Variants in ENO4 observed in about 807,000 individuals in gnomAD.
The protein encoded by ENO4 is enolase 4.
ENO4 carries 53 observed loss-of-function variants against 63.2 expected under a neutral mutation model. That is an observed-to-expected ratio of 0.84 (90% confidence interval 0.67 to 1.05). The LOEUF (loss-of-function observed/expected upper bound fraction) is 1.05, where lower values mean the gene tolerates loss of function less well. Ranked by LOEUF, ENO4 falls within the 50% of genes least tolerant of loss-of-function variation. The pLI is 0.00. For missense variants in ENO4, 719 were observed against 772.0 expected, an observed-to-expected ratio of 0.93 and a Z score of 0.81; for synonymous variants, 266 against 283.8, an observed-to-expected ratio of 0.94 and a Z score of 0.63.
chr10:116,898,758 C>CA (rs1847611631), intron 10 of ENO4, among the ~76,000 whole-genome samples: 1 of 151,736 alleles, frequency 6.6e-6, no homozygotes, highest in Admixed American at 6.6e-5. Flanking sequence ...AACAAACAAA[C>CA]AAACAAAAAA....
rs564042506 is a variant in ENO4 at position 116,856,660 on chromosome 10, G to A, written c.463G>A (p.Ala155Thr). 133 of 1,532,322 alleles carry A rather than the reference G, an allele frequency of 8.7e-5. No homozygotes were observed. The East Asian group carries it at 2.9e-3, about 34-fold the overall frequency. The allele number at this position is 1,532,322 out of a possible 1,614,324, so 94.9% of individuals were successfully genotyped here. ...CCAGGGGATGGCACCCTCTGACCAG[G>A]CAGAGGTGGATCACCTACTCAGGTA... The part of the protein sequence containing the change: ...ELQGMAPSDQ[A>T]EVDHLLRIFF... The change falls in exon 3 of 14, where the codon GCA becomes ACA. Residue 155 changes from alanine (A) to threonine (T), a missense_variant. Physicochemically the swap from Ala to Thr is moderately conservative, Grantham distance 58. Coordinates refer to ENST00000341276, the MANE Select transcript of ENO4 (RefSeq NM_001242699.2).
At chr10:116,851,266 T>C (rs1026235032) in intron 1 of ENO4, among the ~76,000 whole-genome samples, 3 of 152,218 alleles carry the variant, frequency 2.0e-5, no homozygotes, top group Non-Finnish European at 4.4e-5. Context: ...TAGATGACTG[T>C]GTGCTAGATT....
chr10:116,854,178 T>C (rs893970763), intron 1 of ENO4, among the ~76,000 whole-genome samples: 1 of 152,050 alleles, frequency 6.6e-6, no homozygotes, highest in African/African-American at 2.4e-5. Context: ...CTTGAACACA[T>C]AGGACTATGA....
chr10:116,876,037 A>G (rs775265647), intron 10 of ENO4, 28 bp from the exon 11 acceptor site: 2 of 1,460,298 alleles, frequency 1.4e-6, no homozygotes, highest in Non-Finnish European at 1.8e-6. Flanking sequence ...AATGCATTAT[A>G]ATGATCAACT....
intron 9 of ENO4, chr10:116,873,774 C>G (rs1297731692): frequency 8.9e-6 from 6 of 670,860 alleles, no homozygotes; most frequent in Non-Finnish European, 1.1e-5. Flanking sequence ...CGCAGGCAGC[C>G]AAGTCTAACA....
intron 10 of ENO4, among the ~76,000 whole-genome samples, chr10:116,904,656 G>C (rs549870057): frequency 1.1e-4 from 16 of 152,132 alleles, no homozygotes; most frequent in African/African-American, 3.6e-4. Context: ...TACATTAAGT[G>C]AAAAATTCCC....
intron 10 of ENO4, among the ~76,000 whole-genome samples, chr10:116,898,324 TAA>T (rs76622436): frequency 5.8e-5 from 8 of 138,622 alleles, no homozygotes; most frequent in Non-Finnish European, 7.9e-5. Flanking sequence ...AGACTACATC[TAA>T]AAAAAAAAAA....
At chr10:116,890,148 T>C (rs1847291708) in intron 10 of ENO4, among the ~76,000 whole-genome samples, 1 of 83,590 alleles carries the variant, frequency 1.2e-5, no homozygotes, top group South Asian at 5.5e-4. Flanking sequence ...AATTGTAATA[T>C]ACTGTCATTC....
chr10:116,888,431 G>A (rs936038326), intron 10 of ENO4, among the ~76,000 whole-genome samples: 7 of 152,176 alleles, frequency 4.6e-5, no homozygotes, highest in African/African-American at 1.7e-4. Context: ...TAGTCATGCC[G>A]TCTGTGTAAA....
chr10:116,856,543 C>T lies in ENO4; in HGVS notation c.346C>T (p.Leu116=), dbSNP rs1414618399. ...TCATTTTGAAGTCCATGAGAATGCTCTGCCCGAGCTGGCCAAGGCGGAGGA... is the reference window on the plus strand; with the variant it reads ...TCATTTTGAAGTCCATGAGAATGCTTTGCCCGAGCTGGCCAAGGCGGAGGA... ...STHFEVHENA[L]PELAKAEEAE... is the part of the protein sequence containing the mutation. Residue 116 remains leucine (L), a synonymous_variant, in exon 3 of 14, where the codon CTG becomes TTG. Transcript: ENST00000341276. The T allele has an allele frequency of 2.0e-6, 3 of 1,536,136 alleles. No individual in the cohort carries two copies. The highest frequency in any genetic ancestry group is 2.6e-6 in the Non-Finnish European group (3 of 1,146,922).
intron 10 of ENO4, among the ~76,000 whole-genome samples, chr10:116,898,475 G>A (rs1847601401): frequency 6.6e-6 from 1 of 152,074 alleles, no homozygotes; most frequent in Non-Finnish European, 1.5e-5. Flanking sequence ...CAAAAAAGAG[G>A]TTTGCACTTA....
At position 116,897,902 on chromosome 10, in the gene ENO4, T is replaced by C. The variant is rs568624873; in HGVS notation, c.1195-13597T>C. 2.9e-3 allele frequency among the ~76,000 whole-genome samples: 446 copies of C among 152,260 alleles called. 2 individuals are homozygous for C. The highest frequency in any genetic ancestry group is 0.01 in the African/African-American group (432 of 41,542). ...ATAAATCACATTGTTTCCTTGTTAC[T>C]CCCCCTCCCGTCTACAGGCTTTTAT... On this transcript the variant is annotated intron_variant, in intron 10 of 10. Transcript: ENST00000369207.
At chr10:116,899,886 T>C (rs1478729312) in intron 10 of ENO4, among the ~76,000 whole-genome samples, 1 of 152,194 alleles carries the variant, frequency 6.6e-6, no homozygotes, top group Non-Finnish European at 1.5e-5. Flanking sequence ...ATAACCCTTC[T>C]CATTCCTGGA....
In ENO4 at chr10:116,861,156, T is replaced by C; in HGVS notation, c.902T>C (p.Ile301Thr). Residue 301 changes from isoleucine to threonine, a missense_variant, in exon 6 of 14, where the codon ATT (isoleucine) becomes ACT (threonine). Coordinates refer to ENST00000341276, the MANE Select transcript of ENO4 (RefSeq NM_001242699.2). ...SGKLNLMKEV[I>T]CIPHPELTTK... ...AAGCTAAATTTAATGAAAGAAGTGA[T>C]TTGTATACCCCATCCTGAATTAACA... 3 of 1,544,058 alleles carry C rather than the reference T, an allele frequency of 1.9e-6. No homozygotes were observed. The highest frequency in any genetic ancestry group is 2.6e-6 in the Non-Finnish European group (3 of 1,142,358).
rs1846446865 is a variant in ENO4, at chr10:116,862,672, G to C, written c.937-127G>C. 6.2e-6 allele frequency: 4 copies of C among 643,718 alleles called. No individual in the cohort carries two copies. In the South Asian group the frequency reaches 7.7e-5, roughly 12 times the overall value. The allele number at this position is 643,718 out of a possible 1,614,324, so 39.9% of individuals were successfully genotyped here. On this transcript the variant is annotated intron_variant, in intron 6 of 13. Transcript: ENST00000341276. ...TAACATTTAATCTACTGATTTTGTA[G>C]AGCATATCATCTGCTAATCAGGGAC...
intron 10 of ENO4, among the ~76,000 whole-genome samples, chr10:116,894,313 T>C (rs565199179): frequency 6.6e-6 from 1 of 152,318 alleles, no homozygotes; most frequent in African/African-American, 2.4e-5. Flanking sequence ...GAACATTTTC[T>C]ATTGAAATTG....
chr10:116,867,889 A>G (rs1225222698), intron 7 of ENO4, among the ~76,000 whole-genome samples: 2 of 152,170 alleles, frequency 1.3e-5, no homozygotes. Flanking sequence ...TTGTCCCCCG[A>G]TCACATCACA....
intron 2 of ENO4, 80 bp from the exon 3 acceptor site, chr10:116,856,412 A>G (rs897906418): frequency 1.8e-6 from 2 of 1,139,290 alleles, no homozygotes; most frequent in Non-Finnish European, 2.5e-6. Flanking sequence ...AATTTCATGC[A>G]TGTTAAAAGC....
intron 8 of ENO4, among the ~76,000 whole-genome samples, chr10:116,870,862 TAAAG>T (rs748183148): frequency 2.0e-5 from 3 of 151,908 alleles, no homozygotes; most frequent in Non-Finnish European, 4.4e-5. Flanking sequence ...GCAGCATCCA[TAAAG>T]AGAGAACACA....
Sources: gnomAD v4.1 joint callset for allele counts (sites outside exome capture counted in the v4.1 genomes callset) on GRCh38, gnomAD v4.1.1 for gene constraint, MANE v1.5 for transcripts, NCBI Gene and HGNC (gene_info 2026-07-23, HGNC 2026-07-21) for gene names.